The following PES1 variants were observed in gnomAD, a reference collection of about 807,000 sequenced individuals.
PES1 encodes pescadillo homolog.
PES1 carries 31 observed loss-of-function variants against 77.1 expected under a neutral mutation model. The ratio of observed to expected loss-of-function variants is 0.40; its 90% CI spans 0.30 to 0.54. The LOEUF (loss-of-function observed/expected upper bound fraction) is 0.54, where lower values mean the gene tolerates loss of function less well. Among genes scored for constraint, PES1 ranks in the 20% least tolerant of loss-of-function variants. The pLI, the probability that PES1 is intolerant of heterozygous loss-of-function variation, is 0.45. For synonymous variants in PES1, 282 were observed against 303.0 expected (o/e 0.93, Z 0.72); for missense variants, 658 against 771.7 (o/e 0.85, Z 1.75).
At chr22:30,590,629 G>A (rs1371867121) in intron 1 of PES1, among the ~76,000 whole-genome samples, 3 of 152,086 alleles carry the variant, frequency 2.0e-5, no homozygotes, top group Admixed American at 6.6e-5. Flanking sequence ...TAAATGTTAA[G>A]GGAATAAATA....
rs932467076 is a variant in PES1, at chr22:30,606,927, G to A, written c.-836C>T. On this transcript the variant is annotated 5_prime_UTR_variant, in exon 1 of 17. Transcript: ENST00000402281. ...ACCCGGTCCTGCCAATCCACCACTG[G>A]AACAGCTGGGGGGACAGCAGACAGG... The A allele has an allele frequency of 1.6e-5, 17 of 1,053,190 alleles. No individual in the cohort carries two copies. The East Asian group carries it at 5.4e-4, about 33-fold the overall frequency. The allele number at this position is 1,053,190 out of a possible 1,614,324, so 65.2% of individuals were successfully genotyped here.
rs1000738285 is a variant in PES1 at position 30,603,493 on chromosome 22, C to G, written c.-661+1968G>C. Among the ~76,000 whole-genome samples the G allele has an allele frequency of 1.3e-4, 20 of 151,734 alleles. 3 individuals are homozygous for G. Among genetic ancestry groups the G allele is most frequent in the Admixed American group, 1.2e-3 (18 of 15,220 alleles). On this transcript the variant is annotated intron_variant, in intron 2 of 16. Transcript: ENST00000402281. ...GGCCCCCAGGTTCAAGCAATTCTCC[C>G]GCCTCAACCTCCCAAGTAGCTGGGA... is the stretch of plus-strand genomic sequence containing the variant.
intron 6 of PES1, 28 bp from the exon 7 acceptor site, chr22:30,581,672 G>T: frequency 6.7e-7 from 1 of 1,503,708 alleles, no homozygotes; most frequent in Non-Finnish European, 9.2e-7. Flanking sequence ...TGCATGAGCA[G>T]TGTGGGTGCA....
intron 6 of PES1, among the ~76,000 whole-genome samples, chr22:30,582,218 G>A (rs943581971): frequency 1.3e-5 from 2 of 152,222 alleles, no homozygotes; most frequent in African/African-American, 4.8e-5. Context: ...GCGGGGGCGG[G>A]GGAAGCATGG....
rs147295043 is a variant in PES1 at position 30,599,838 on chromosome 22, T to G, written c.-661+5623A>C. 9.7e-4 allele frequency among the ~76,000 whole-genome samples: 147 copies of G among 152,168 alleles called. No homozygotes were observed. In the East Asian group the frequency reaches 0.022, roughly 22 times the overall value. On this transcript the variant is annotated intron_variant, in intron 2 of 16. Transcript: ENST00000402281. ...TCGCTTGAACCTGGCAGGCAGAGGT[T>G]GCGGTGAGCCGAGATTGAGCCATTG...
At chr22:30,605,524 A>T in intron 1 of PES1, 1 of 978,080 alleles carries the variant, frequency 1.0e-6, no homozygotes, top group Non-Finnish European at 1.2e-6. Flanking sequence ...CTTCCTGGAA[A>T]TAGGAATCAT....
chr22:30,606,103 G>T (rs770858852), intron 1 of PES1, among the ~76,000 whole-genome samples: 2 of 152,166 alleles, frequency 1.3e-5, no homozygotes, highest in Non-Finnish European at 2.9e-5. Context: ...TCTCCTGTGG[G>T]GCTGGGCAGA....
intron 12 of PES1, 146 bp from the exon 13 acceptor site, chr22:30,579,449 C>T: frequency 7.6e-7 from 1 of 1,311,068 alleles, no homozygotes; most frequent in South Asian, 1.4e-5. Flanking sequence ...CCCTCTCTTG[C>T]ACCTCCCCAC....
At chr22:30,578,514 A>G (rs1464028572) in intron 14 of PES1, among the ~76,000 whole-genome samples, 1 of 152,186 alleles carries the variant, frequency 6.6e-6, no homozygotes, top group Non-Finnish European at 1.5e-5. Context: ...GAAGTTTAAC[A>G]AAGCTCCCCC....
At chr22:30,598,437 T>TAA (rs1003286268) in intron 2 of PES1, 5 of 148,226 alleles carry the variant, frequency 3.4e-5, no homozygotes, top group East Asian at 3.9e-4. Flanking sequence ...GTAAAACCCG[T>TAA]AAAAAAAAAA....
rs184447278 is a variant in PES1 at position 30,581,647 on chromosome 22, G to A, written c.631-3C>T. The A allele has an allele frequency of 3.6e-4, 578 of 1,601,958 alleles. 3 individuals are homozygous for A. In the African/African-American group the frequency reaches 5.9e-3, roughly 16 times the overall value. On this transcript the variant is annotated splice_region_variant and splice_polypyrimidine_tract_variant and intron_variant, in intron 6 of 14. Coordinates refer to ENST00000354694, the MANE Select transcript of PES1 (RefSeq NM_014303.4). ...CTGTAGTCCACGTCTGTCGGGTGCT[G>A]GGGAACACAAGAGATGCATGAGCAG...
At chr22:30,584,313 T>C (rs2146467588) in intron 6 of PES1, 52 bp downstream of exon 6, 1 of 1,355,050 alleles carries the variant, frequency 7.4e-7, no homozygotes, top group Non-Finnish European at 1.0e-6. Context: ...TCCACATCCA[T>C]ATCTGTCTAG....
chr22:30,584,761 G>GTCCCCCT, intron 4 of PES1, 44 bp from the exon 5 acceptor site: 1 of 1,597,952 alleles, frequency 6.3e-7, no homozygotes, highest in Non-Finnish European at 8.5e-7. Flanking sequence ...TTCAGCGTGG[G>GTCCCCCT]TGCCAAGGGG....
chr22:30,578,945 G>C lies in PES1; in HGVS notation c.1575C>G (p.Ala525=), dbSNP rs1228632549. 4 of 1,613,036 alleles carry C rather than the reference G, an allele frequency of 2.5e-6. No homozygotes were observed. The highest frequency in any genetic ancestry group is 1.3e-5 in the African/African-American group (1 of 74,808). The change falls in exon 14 of 15, where the codon GCC becomes GCG. Residue 525 remains alanine (A), a synonymous_variant. Transcript: ENST00000354694. ...GCTTGGCCTCACTCTCCTCCTCCTG[G>C]GCCAGCCGCTGCTTATCCTCCAGCT... The part of the protein sequence containing the change: ...TLKLEDKQRL[A]QEEESEAKRL...
intron 9 of PES1, 84 bp downstream of exon 9, chr22:30,580,928 T>A: frequency 2.4e-6 from 3 of 1,261,400 alleles, no homozygotes; most frequent in Non-Finnish European, 2.2e-6. Flanking sequence ...AACACCTAAT[T>A]ATAGGATGCA....
chr22:30,577,980 T>C (rs980155668), intron 14 of PES1, among the ~76,000 whole-genome samples: 1 of 152,106 alleles, frequency 6.6e-6, no homozygotes, highest in East Asian at 1.9e-4. Flanking sequence ...CATATTATGG[T>C]TAAATGAAAA....
At chr22:30,587,931 G>A in intron 3 of PES1, 90 bp downstream of exon 3, 1 of 1,307,624 alleles carries the variant, frequency 7.6e-7, no homozygotes. Flanking sequence ...CTTACTCAGA[G>A]AGGGTAGGCA....
chr22:30,599,542 A>G (rs1484579169), intron 2 of PES1, among the ~76,000 whole-genome samples: 3 of 152,200 alleles, frequency 2.0e-5, no homozygotes, highest in Non-Finnish European at 4.4e-5. Context: ...AGGCTGTAAA[A>G]ATAACAAATT....
At chr22:30,594,168 G>T (rs2087223238), upstream of PES1, among the ~76,000 whole-genome samples, 1 of 152,128 alleles carries the variant, frequency 6.6e-6, no homozygotes, top group Non-Finnish European at 1.5e-5. Flanking sequence ...GTAAGATGGG[G>T]TCAACACTAA....
Sources: allele counts gnomAD v4.1 joint callset (sites outside exome capture counted in the v4.1 genomes callset), GRCh38; gene constraint gnomAD v4.1.1; transcripts MANE v1.5; gene names NCBI Gene and HGNC (gene_info 2026-07-23, HGNC 2026-07-21).